The following ENOX2 variants were observed in gnomAD, a reference collection of about 807,000 sequenced individuals.
ENOX2 encodes the protein APK1 antigen.
ENOX2 carries 36 observed loss-of-function variants against 45.0 expected under a neutral mutation model. The ratio of observed to expected loss-of-function variants is 0.80; its 90% CI spans 0.61 to 1.06. ENOX2 has a LOEUF of 1.06. ENOX2 is among the 50% of genes least tolerant of loss of function. ENOX2 has a pLI of 0.00. For missense variants in ENOX2, 423 were observed against 462.5 expected (o/e 0.91, Z 0.78); for synonymous variants, 174 against 152.3 (o/e 1.14, Z -1.05).
At chrX:130,698,098 C>T (rs1353838568) in intron 4 of ENOX2, among the ~76,000 whole-genome samples, 4 of 111,490 alleles carry the variant, frequency 3.6e-5, no homozygotes, top group Non-Finnish European at 7.5e-5. Context: ...CCCAGTTAAT[C>T]TTGTTGTTGC....
At chrX:130,779,532 T>G (rs1027451963) in intron 3 of ENOX2, among the ~76,000 whole-genome samples, 7 of 111,242 alleles carry the variant, frequency 6.3e-5, no homozygotes, top group Middle Eastern at 4.6e-3. Flanking sequence ...CAGATTTGAT[T>G]TGTGCCTGTT....
At chrX:130,888,970 C>G (rs2078947761) in intron 2 of ENOX2, among the ~76,000 whole-genome samples, 1 of 111,257 alleles carries the variant, frequency 9.0e-6, no homozygotes, top group African/African-American at 3.3e-5. Flanking sequence ...TTTCTATTTG[C>G]CTGTTACATC....
intron 3 of ENOX2, among the ~76,000 whole-genome samples, chrX:130,758,602 T>C (rs1361486142): frequency 8.9e-6 from 1 of 112,547 alleles, no homozygotes; most frequent in Non-Finnish European, 1.9e-5. Flanking sequence ...TTCATTTCTT[T>C]GGGATCAATG....
At chrX:130,801,209 T>C (rs1299908377) in intron 2 of ENOX2, among the ~76,000 whole-genome samples, 7 of 112,638 alleles carry the variant, frequency 6.2e-5, no homozygotes, top group Non-Finnish European at 1.3e-4. Flanking sequence ...CTTAACAATA[T>C]CTGACATCAT....
rs542684021 is a variant in ENOX2, at chrX:130,641,130, G to A, written c.1130-3720C>T. ...TAGATCCAGGAAGTTCAGAGAACAC[G>A]AGACAGGATAAATGCCAAAAACCCC... On this transcript the variant is annotated intron_variant, in intron 10 of 14. Coordinates refer to ENST00000394363, the MANE Select transcript of ENOX2 (RefSeq NM_006375.4). Among the ~76,000 whole-genome samples the A allele has an allele frequency of 7.2e-5, 8 of 111,400 alleles. No homozygotes were observed. The South Asian group carries it at 3.0e-3, about 42-fold the overall frequency.
intron 10 of ENOX2, among the ~76,000 whole-genome samples, chrX:130,641,070 G>C (rs1419215072): frequency 9.0e-6 from 1 of 111,662 alleles, no homozygotes; most frequent in African/African-American, 3.3e-5. Flanking sequence ...TAATGACTGA[G>C]AATTTCTCCG....
At chrX:130,859,866 T>G (rs973427714) in intron 2 of ENOX2, among the ~76,000 whole-genome samples, 5 of 111,802 alleles carry the variant, frequency 4.5e-5, no homozygotes, top group Non-Finnish European at 7.5e-5. Context: ...TTACTTAATT[T>G]TAAGATACCA....
At chrX:130,767,364 G>A (rs1429452839) in intron 3 of ENOX2, among the ~76,000 whole-genome samples, 1 of 111,759 alleles carries the variant, frequency 8.9e-6, no homozygotes, top group Non-Finnish European at 1.9e-5. Flanking sequence ...ATAAGTATTT[G>A]TGGAATGAAT....
intron 2 of ENOX2, among the ~76,000 whole-genome samples, chrX:130,901,014 T>C (rs1330222540): frequency 3.6e-5 from 4 of 112,584 alleles, no homozygotes; most frequent in African/African-American, 1.3e-4. Context: ...AGGTATGATA[T>C]GTGTTATAAA....
chrX:130,652,448 C>T (rs1250079585), intron 10 of ENOX2, among the ~76,000 whole-genome samples: 1 of 112,079 alleles, frequency 8.9e-6, no homozygotes, highest in Non-Finnish European at 1.9e-5. Context: ...ACACTACCAT[C>T]TACTATTCCT....
At chrX:130,787,883 C>G (rs924152708) in intron 2 of ENOX2, among the ~76,000 whole-genome samples, 1 of 111,351 alleles carries the variant, frequency 9.0e-6, no homozygotes, top group African/African-American at 3.3e-5. Flanking sequence ...ACTCAGTAAG[C>G]TGACTCGCTG....
intron 6 of ENOX2, 93 bp from the exon 7 acceptor site, chrX:130,670,291 AT>A: frequency 3.3e-6 from 2 of 606,244 alleles, no homozygotes; most frequent in Non-Finnish European, 5.3e-6. Context: ...AGAGAGAGAC[AT>A]GAAAGACTAT....
At chrX:130,877,550 A>G (rs749329034) in intron 2 of ENOX2, among the ~76,000 whole-genome samples, 33 of 112,169 alleles carry the variant, frequency 2.9e-4, no homozygotes, top group Non-Finnish European at 3.8e-4. Flanking sequence ...CATGAATGCC[A>G]TAAGAAACTG....
chrX:130,892,616 G>A (rs1159158540), intron 2 of ENOX2, among the ~76,000 whole-genome samples: 2 of 112,628 alleles, frequency 1.8e-5, no homozygotes, highest in Non-Finnish European at 3.7e-5. Flanking sequence ...AGCATCAAGT[G>A]CTGTCTATGG....
At chrX:130,641,243 T>C (rs753273789) in intron 10 of ENOX2, among the ~76,000 whole-genome samples, 2 of 111,653 alleles carry the variant, frequency 1.8e-5, no homozygotes, top group South Asian at 3.7e-4. Context: ...ACCTTACCTA[T>C]AGAGGAGCAC....
chrX:130,900,532 T>C (rs772463968), intron 2 of ENOX2, among the ~76,000 whole-genome samples: 16 of 111,791 alleles, frequency 1.4e-4, no homozygotes, highest in Non-Finnish European at 2.4e-4. Context: ...CATTACAGTT[T>C]CCTTTTACTC....
intron 2 of ENOX2, among the ~76,000 whole-genome samples, chrX:130,824,301 T>C (rs1010630476): frequency 8.9e-6 from 1 of 112,061 alleles, no homozygotes; most frequent in Non-Finnish European, 1.9e-5. Context: ...GTACAGCAGA[T>C]GTCTAGATCT....
chrX:130,685,308 G>A (rs1034711874), intron 5 of ENOX2, among the ~76,000 whole-genome samples: 4 of 111,246 alleles, frequency 3.6e-5, no homozygotes, highest in African/African-American at 1.3e-4. Flanking sequence ...GACCTTCTAG[G>A]CAATTAAAAG....
chrX:130,863,013 C>T (rs1307408995), intron 2 of ENOX2, among the ~76,000 whole-genome samples: 2 of 111,501 alleles, frequency 1.8e-5, no homozygotes, highest in Non-Finnish European at 3.8e-5. Context: ...TTGCAAGGTA[C>T]ACAGCACTAC....
Sources: allele counts gnomAD v4.1 joint callset (sites outside exome capture counted in the v4.1 genomes callset), GRCh38; gene constraint gnomAD v4.1.1; transcripts MANE v1.5; gene names NCBI Gene and HGNC (gene_info 2026-07-23, HGNC 2026-07-21).